DBNL: variants seen among roughly 807,000 people sequenced by gnomAD.
The protein encoded by DBNL is drebrin like.
DBNL carries 35 observed loss-of-function variants against 62.2 expected under a neutral mutation model. The observed-to-expected ratio is 0.56, with a 90% CI of 0.43 to 0.75. DBNL has a LOEUF of 0.75. Among genes scored for constraint, DBNL ranks in the 30% least tolerant of loss-of-function variants. The pLI is 0.00. For synonymous variants in DBNL, 197 were observed against 218.0 expected (o/e 0.90, Z 0.85); for missense variants, 495 against 578.4 (o/e 0.86, Z 1.48).
rs180828687 is a variant in DBNL at position 44,057,695 on chromosome 7, G to A, written c.475-87G>A. 1.5e-3 allele frequency: 2,212 copies of A among 1,488,864 alleles called. 13 individuals carry two copies. Among genetic ancestry groups the A allele is most frequent in the South Asian group, 0.015 (1,277 of 86,794 alleles). 92.2% of individuals were successfully genotyped at this position (1,488,864 alleles called of 1,614,324 possible). On this transcript the variant is annotated intron_variant, in intron 5 of 12. Coordinates refer to ENST00000448521, the MANE Select transcript of DBNL (RefSeq NM_001014436.3). ...CCTAGCAGCACTCACCTGTGCTGTCGCAAGTTTAGCGTATTCTCTCCTTTG... is the reference window on the plus strand; with the variant it reads ...CCTAGCAGCACTCACCTGTGCTGTCACAAGTTTAGCGTATTCTCTCCTTTG...
chr7:44,064,797 A>AGC lies in DBNL; in HGVS notation c.*3881_*3882insGC. ...GAGAAGCCAGCTGGGGCTGCTGCCC[A>AGC]CCCACCCTGCCCAGGCTCCTGAAGG... is the stretch of plus-strand genomic sequence containing the variant. On this transcript the variant is annotated 3_prime_UTR_variant, in exon 13 of 13. Coordinates refer to ENST00000448521, the MANE Select transcript of DBNL (RefSeq NM_001014436.3). 3.2e-6 allele frequency: 2 copies of AGC among 633,298 alleles called. No homozygotes were observed. The highest frequency in any genetic ancestry group is 5.5e-6 in the Non-Finnish European group (2 of 361,380). 39.2% of individuals were successfully genotyped at this position (633,298 alleles called of 1,614,324 possible). A position where few individuals can be genotyped will look rare whatever the true frequency, so the allele number is the denominator to read the frequency against.
rs775689793 is a variant in DBNL, at chr7:44,059,672, C to G, written c.1047+14C>G. On this transcript the variant is annotated intron_variant, in intron 11 of 12. Coordinates refer to ENST00000448521, the MANE Select transcript of DBNL (RefSeq NM_001014436.3). The surrounding 1 kb of genome is among the most constrained non-coding windows in gnomAD (Gnocchi z 4.1). ...CAGCCCCCACTGGTGGGTTCCTACA[C>G]TGGGGCTGGGGCCAGGAAGGGGCTG... The G allele has an allele frequency of 6.3e-7, 1 of 1,584,890 alleles. No individual in the cohort carries two copies. Among genetic ancestry groups the G allele is most frequent in the Non-Finnish European group, 8.5e-7 (1 of 1,171,122 alleles).
At chr7:44,055,267 A>C (rs1016905843) in intron 4 of DBNL, among the ~76,000 whole-genome samples, 6 of 152,228 alleles carry the variant, frequency 3.9e-5, no homozygotes, top group Admixed American at 1.3e-4. Context: ...GGAGTTCAAG[A>C]CCAGCCTGGC....
intron 4 of DBNL, among the ~76,000 whole-genome samples, chr7:44,054,906 A>G (rs773742117): frequency 7.2e-5 from 11 of 152,068 alleles, no homozygotes; most frequent in Non-Finnish European, 1.5e-4. Flanking sequence ...TGCCTGGCTT[A>G]TTTCCCTTAA....
Position 44,064,792 on chromosome 7 carries a change from T to TGG in DBNL, c.*3877_*3878insGG. 20 of 1,279,318 alleles carry TGG rather than the reference T, an allele frequency of 1.6e-5. No individual in the cohort carries two copies. Among genetic ancestry groups the TGG allele is most frequent in the African/African-American group, 2.9e-5 (2 of 69,020 alleles). 79.2% of individuals were successfully genotyped at this position (1,279,318 alleles called of 1,614,324 possible). The stretch of plus-strand genomic sequence containing the variant: ...GAGATGAGAAGCCAGCTGGGGCTGC[T>TGG]GCCCACCCACCCTGCCCAGGCTCCT... On this transcript the variant is annotated 3_prime_UTR_variant, in exon 13 of 13. Coordinates refer to ENST00000448521, the MANE Select transcript of DBNL (RefSeq NM_001014436.3).
In DBNL at chr7:44,060,217, T is replaced by C; in HGVS notation, c.1153+64T>C. ...CCTGAGGTTAGGAGACAAGAGGGTC[T>C]GGGGTTTTATGGGAAGATGGCACCA... is the stretch of plus-strand genomic sequence containing the variant. On this transcript the variant is annotated intron_variant, in intron 12 of 12. Transcript: ENST00000448521. The surrounding 1 kb of genome is among the most constrained non-coding windows in gnomAD (Gnocchi z 6.3). 1 of 1,429,480 alleles carries C rather than the reference T, an allele frequency of 7.0e-7. No homozygotes were observed. The highest frequency in any genetic ancestry group is 1.4e-5 in the African/African-American group (1 of 70,818). 88.5% of individuals were successfully genotyped at this position (1,429,480 alleles called of 1,614,324 possible).
chr7:44,065,417 GCCT>G lies in DBNL; in HGVS notation c.*4506_*4508del, dbSNP rs2096157985. 6.2e-7 allele frequency: 1 copy of G among 1,614,096 alleles called. No individual in the cohort carries two copies. Among genetic ancestry groups the G allele is most frequent in the South Asian group, 1.1e-5 (1 of 91,088 alleles). On this transcript the variant is annotated 3_prime_UTR_variant, in exon 13 of 13. Transcript: ENST00000448521. Reference sequence around the variant, plus strand: ...CTTGATGGCCTTGGCTCCCCGCTTGGCCTCCTCGGTCCCCTTTTCACTCAGCTC... The same window carrying G: ...CTTGATGGCCTTGGCTCCCCGCTTGGCCTCGGTCCCCTTTTCACTCAGCTC...
Position 44,065,106 on chromosome 7 carries a change from G to A in DBNL, c.*4190G>A. ...GCTTCCCAGAGGCCTTCCCAGCAAA[G>A]GCAGCCCACCTTGCTAATGGAGTTG... On this transcript the variant is annotated 3_prime_UTR_variant, in exon 13 of 13. Transcript: ENST00000448521. 1.2e-6 allele frequency: 2 copies of A among 1,613,658 alleles called. No individual in the cohort carries two copies. The highest frequency in any genetic ancestry group is 1.7e-6 in the Non-Finnish European group (2 of 1,180,032).
intron 5 of DBNL, 28 bp downstream of exon 5, chr7:44,056,931 C>T: frequency 6.2e-7 from 1 of 1,612,228 alleles, no homozygotes; most frequent in Non-Finnish European, 8.5e-7. Flanking sequence ...ATCGCCAGCC[C>T]TTTTGTTGCT....
At chr7:44,052,014 T>G (rs2096127468) in intron 3 of DBNL, 72 bp downstream of exon 3, 1 of 1,393,784 alleles carries the variant, frequency 7.2e-7, no homozygotes, top group Non-Finnish European at 1.0e-6. Flanking sequence ...TTGACTTGAC[T>G]TCAGGAACAA....
rs1340390870 is a variant in DBNL at position 44,068,028 on chromosome 7, C to G, written c.*7112C>G. On this transcript the variant is annotated 3_prime_UTR_variant, in exon 13 of 13. Transcript: ENST00000448521. ...TCCAATTTTTCTTTTCTTCTCTACC[C>G]CAGCTCCTGGGCAGTAACATGGAGG... is the stretch of plus-strand genomic sequence containing the variant. The G allele has an allele frequency of 6.6e-6, 1 of 152,152 alleles. No individual in the cohort carries two copies. Among genetic ancestry groups the G allele is most frequent in the East Asian group, 1.9e-4 (1 of 5,194 alleles). 9.4% of individuals were successfully genotyped at this position (152,152 alleles called of 1,614,324 possible).
At chr7:44,052,790 G>T in intron 3 of DBNL, 77 bp from the exon 4 acceptor site, 2 of 1,549,956 alleles carry the variant, frequency 1.3e-6, no homozygotes, top group South Asian at 2.3e-5. Context: ...TGGGACACAG[G>T]GTAGATGTTG....
chr7:44,055,785 A>G (rs2096135215), intron 4 of DBNL, among the ~76,000 whole-genome samples: 1 of 152,170 alleles, frequency 6.6e-6, no homozygotes, highest in Non-Finnish European at 1.5e-5. Context: ...GAGTTGTTTG[A>G]GTTCCTTATA....
intron 5 of DBNL, 99 bp downstream of exon 5, chr7:44,057,002 A>C: frequency 6.5e-7 from 1 of 1,534,048 alleles, no homozygotes; most frequent in Non-Finnish European, 8.8e-7. Context: ...GGCTGGGCCC[A>C]TGCCTGCTTA....
At chr7:44,055,582 G>GT (rs1056658090) in intron 4 of DBNL, among the ~76,000 whole-genome samples, 1 of 152,094 alleles carries the variant, frequency 6.6e-6, no homozygotes, top group Non-Finnish European at 1.5e-5. Context: ...TATTTTTTAT[G>GT]TTTTTTATAA....
At position 44,064,793 on chromosome 7, in the gene DBNL, G is replaced by GGGCCCCCCCCCCCCCCCC; in HGVS notation, c.*3877_*3878insGGCCCCCCCCCCCCCCCC. 7 of 1,136,960 alleles carry GGGCCCCCCCCCCCCCCCC rather than the reference G, an allele frequency of 6.2e-6. No homozygotes were observed. Among genetic ancestry groups the GGGCCCCCCCCCCCCCCCC allele is most frequent in the Admixed American group, 1.9e-5 (1 of 52,684 alleles). 70.4% of individuals were successfully genotyped at this position (1,136,960 alleles called of 1,614,324 possible). ...AGATGAGAAGCCAGCTGGGGCTGCT[G>GGGCCCCCCCCCCCCCCCC]CCCACCCACCCTGCCCAGGCTCCTG... On this transcript the variant is annotated 3_prime_UTR_variant, in exon 13 of 13. Transcript: ENST00000448521.
At position 44,060,921 on chromosome 7, in the gene DBNL, G is replaced by A. The variant is rs951099219; in HGVS notation, c.*5G>A. 3.5e-5 allele frequency: 57 copies of A among 1,613,288 alleles called. No individual in the cohort carries two copies. In the Admixed American group the frequency reaches 8.5e-4, roughly 24 times the overall value. On this transcript the variant is annotated 3_prime_UTR_variant, in exon 13 of 13. Coordinates refer to ENST00000448521, the MANE Select transcript of DBNL (RefSeq NM_001014436.3). This position sits in a 1 kb window ranked among gnomAD's most constrained non-coding sequence, Gnocchi z 6.3. The stretch of plus-strand genomic sequence containing the variant: ...TACGTGGAGCTCATTGAGTGAGGCT[G>A]AGGGCACATCTTGCCCTTCCCCTCT...
Position 44,065,965 on chromosome 7 carries a change from T to TCTC in DBNL, c.*5052_*5054dup. On this transcript the variant is annotated 3_prime_UTR_variant, in exon 13 of 13. Coordinates refer to ENST00000448521, the MANE Select transcript of DBNL (RefSeq NM_001014436.3). ...GGCACAAACAAAATCCCAACCCCTT[T>TCTC]CTCCTGTGATTGGCAGCCAGGCTAG... is the stretch of plus-strand genomic sequence containing the variant. The TCTC allele has an allele frequency of 7.0e-6, 2 of 285,232 alleles. No homozygotes were observed. The highest frequency in any genetic ancestry group is 1.4e-5 in the Non-Finnish European group (2 of 144,236). The allele number at this position is 285,232 out of a possible 1,614,324, so 17.7% of individuals were successfully genotyped here. A position where few individuals can be genotyped will look rare whatever the true frequency, so the allele number is the denominator to read the frequency against.
At position 44,058,498 on chromosome 7, in the gene DBNL, T is replaced by C; in HGVS notation, c.753+18T>C. The C allele has an allele frequency of 6.2e-7, 1 of 1,613,784 alleles. No homozygotes were observed. The highest frequency in any genetic ancestry group is 8.5e-7 in the Non-Finnish European group (1 of 1,179,870). On this transcript the variant is annotated intron_variant, in intron 8 of 12. Coordinates refer to ENST00000448521, the MANE Select transcript of DBNL (RefSeq NM_001014436.3). ...ATGAGCAGGTAAGATGGGGGTGCTC[T>C]ACTTGTTTGGACCTGTCCTGGCCAC...
Sources: allele counts gnomAD v4.1 joint callset (sites outside exome capture counted in the v4.1 genomes callset), GRCh38; gene constraint gnomAD v4.1.1; non-coding constraint Gnocchi (gnomAD v3.1); transcripts MANE v1.5; gene names NCBI Gene and HGNC (gene_info 2026-07-23, HGNC 2026-07-21).